Variants in PRKACB observed in about 807,000 individuals in gnomAD.
PRKACB encodes protein kinase cAMP-activated catalytic subunit beta, also known as cAMP-dependent protein kinase catalytic subunit beta.
Under a neutral mutation model 51.4 loss-of-function variants are expected in PRKACB, and 16 were observed. The observed-to-expected ratio is 0.31, with a 90% CI of 0.21 to 0.47. The LOEUF (loss-of-function observed/expected upper bound fraction) is 0.47. Ranked by LOEUF, PRKACB falls within the 20% of genes least tolerant of loss-of-function variation. PRKACB has a pLI of 1.00. For synonymous variants in PRKACB, 147 were observed against 154.4 expected, an observed-to-expected ratio of 0.95 and a Z score of 0.35; for missense variants, 309 against 464.5, an observed-to-expected ratio of 0.67 and a Z score of 3.08.
chr1:84,151,647 A>T (rs1286733900), intron 1 of PRKACB, among the ~76,000 whole-genome samples: 3 of 152,228 alleles, frequency 2.0e-5, no homozygotes, highest in African/African-American at 7.2e-5. Context: ...TCTTCACAGC[A>T]TCTTCACCAG....
At chr1:84,229,087 C>G (rs1303094852) in intron 9 of PRKACB, among the ~76,000 whole-genome samples, 8 of 126,624 alleles carry the variant, frequency 6.3e-5, no homozygotes, top group Admixed American at 3.4e-4. Context: ...CCCCCTCCCC[C>G]CACCCCGTAA....
At chr1:84,165,897 GATAAC>G (rs1259341102) in intron 1 of PRKACB, among the ~76,000 whole-genome samples, 2 of 151,792 alleles carry the variant, frequency 1.3e-5, no homozygotes, top group South Asian at 2.1e-4. Context: ...TGGTTTCTCT[GATAAC>G]ATAACAGTCC....
chr1:84,137,748 A>G (rs1359267924), intron 1 of PRKACB, among the ~76,000 whole-genome samples: 1 of 152,186 alleles, frequency 6.6e-6, no homozygotes, highest in Non-Finnish European at 1.5e-5. Context: ...TACCAGGTTA[A>G]CAATTCTGAT....
intron 1 of PRKACB, chr1:84,078,467 C>G: frequency 6.9e-7 from 1 of 1,450,390 alleles, no homozygotes; most frequent in African/African-American, 1.4e-5. Context: ...CGGGCACGGG[C>G]CAGGCCTAGC....
At chr1:84,127,559 A>T (rs1651733720) in intron 1 of PRKACB, among the ~76,000 whole-genome samples, 1 of 152,226 alleles carries the variant, frequency 6.6e-6, no homozygotes, top group Non-Finnish European at 1.5e-5. Context: ...ACAATTAATC[A>T]TCTGCCATAA....
chr1:84,199,906 C>T (rs1021981550), intron 7 of PRKACB, among the ~76,000 whole-genome samples: 3 of 152,030 alleles, frequency 2.0e-5, no homozygotes, highest in Non-Finnish European at 2.9e-5. Context: ...AGTGCAGTGG[C>T]GTGATCTCGG....
chr1:84,090,491 G>A (rs995729950), intron 1 of PRKACB, among the ~76,000 whole-genome samples: 20 of 152,194 alleles, frequency 1.3e-4, no homozygotes, highest in Admixed American at 1.3e-3. Context: ...TATGACATCA[G>A]CTATCTTAGC....
chr1:84,114,869 T>G (rs1650507873), intron 1 of PRKACB, among the ~76,000 whole-genome samples: 1 of 152,248 alleles, frequency 6.6e-6, no homozygotes, highest in Admixed American at 6.5e-5. Context: ...TGACAAGATT[T>G]CATTTTTTTA....
At chr1:84,232,022 A>G (rs370856066) in intron 9 of PRKACB, among the ~76,000 whole-genome samples, 3 of 151,080 alleles carry the variant, frequency 2.0e-5, no homozygotes, top group Non-Finnish European at 1.5e-5. Flanking sequence ...TAGGGTGTCA[A>G]TTTTGGATCT....
chr1:84,127,517 T>C (rs1651729208), intron 1 of PRKACB, among the ~76,000 whole-genome samples: 1 of 152,238 alleles, frequency 6.6e-6, no homozygotes, highest in Non-Finnish European at 1.5e-5. Context: ...GTATTACTAA[T>C]AGTTTAATTA....
At chr1:84,172,714 GAGTC>G (rs1315137760) in intron 1 of PRKACB, among the ~76,000 whole-genome samples, 3 of 151,610 alleles carry the variant, frequency 2.0e-5, no homozygotes, top group Non-Finnish European at 4.4e-5. Context: ...ACAGTTCAGT[GAGTC>G]AGTCAATTAT....
chr1:84,209,872 T>G (rs1298661738), intron 8 of PRKACB, among the ~76,000 whole-genome samples: 2 of 152,242 alleles, frequency 1.3e-5, no homozygotes. Flanking sequence ...GCATAACACA[T>G]AGTAGAGGTT....
chr1:84,229,615 T>G (rs370449755), intron 9 of PRKACB, among the ~76,000 whole-genome samples: 1 of 151,574 alleles, frequency 6.6e-6, no homozygotes, highest in Non-Finnish European at 1.5e-5. Context: ...CTTTTTAATG[T>G]TTGCCATTCT....
At chr1:84,217,857 T>C (rs950355360) in intron 9 of PRKACB, among the ~76,000 whole-genome samples, 9 of 152,200 alleles carry the variant, frequency 5.9e-5, no homozygotes, top group African/African-American at 1.9e-4. Flanking sequence ...TTTCTTTTAG[T>C]GCTTTCTGAA....
intron 9 of PRKACB, among the ~76,000 whole-genome samples, chr1:84,217,092 T>C (rs186831181): frequency 2.6e-5 from 4 of 152,278 alleles, no homozygotes; most frequent in African/African-American, 9.6e-5. Flanking sequence ...AACAAACGAT[T>C]TAACCTCTCT....
chr1:84,086,365 G>C (rs1647989634), intron 1 of PRKACB: 1 of 614,678 alleles, frequency 1.6e-6, no homozygotes, highest in African/African-American at 1.8e-5. Context: ...CTGGCGGACT[G>C]CCCAGGGGCC....
chr1:84,214,352 A>G (rs935152909), intron 9 of PRKACB, 35 bp downstream of exon 9: 1 of 1,512,402 alleles, frequency 6.6e-7, no homozygotes, highest in Non-Finnish European at 8.9e-7. Flanking sequence ...AAGCTTTTTT[A>G]AAGTTGGTGT....
At chr1:84,186,190 G>C (rs1187389292) in intron 5 of PRKACB, among the ~76,000 whole-genome samples, 2 of 144,584 alleles carry the variant, frequency 1.4e-5, no homozygotes, top group African/African-American at 2.6e-5. Context: ...TCAGCAACTA[G>C]ACTTGTGGAA....
chr1:84,229,021 G>A (rs969581907), intron 9 of PRKACB, among the ~76,000 whole-genome samples: 2 of 148,584 alleles, frequency 1.3e-5, no homozygotes, highest in Non-Finnish European at 3.0e-5. Flanking sequence ...ATGCTGGTGC[G>A]CTGCACCCAC....
Sources: allele counts gnomAD v4.1 joint callset (sites outside exome capture counted in the v4.1 genomes callset), GRCh38; gene constraint gnomAD v4.1.1; transcripts MANE v1.5; gene names NCBI Gene and HGNC (gene_info 2026-07-23, HGNC 2026-07-21).